The following GNG4 variants were observed in gnomAD, a reference collection of about 807,000 sequenced individuals.
GNG4 encodes guanine nucleotide-binding protein G(I)/G(S)/G(O) subunit gamma-4.
A neutral mutation model predicts 5.8 loss-of-function variants in GNG4; 4 were observed. That is an observed-to-expected ratio of 0.69 (90% CI 0.34 to 1.57). GNG4 has a LOEUF of 1.57. Among genes scored for constraint, GNG4 ranks in the 40% most tolerant of loss-of-function variants. GNG4 has a pLI of 0.06. For synonymous variants in GNG4, 29 were observed against 32.9 expected (o/e 0.88, Z 0.41); for missense variants, 96 against 95.1 (o/e 1.01, Z -0.04).
intron 3 of GNG4, chr1:235,566,667 G>A (rs1687206166): frequency 1.3e-5 from 2 of 152,610 alleles, no homozygotes; most frequent in Admixed American, 1.3e-4. Context: ...CTAAAAGATA[G>A]GAGAGACTGA....
At chr1:235,592,220 C>T (rs894877661) in intron 2 of GNG4, among the ~76,000 whole-genome samples, 5 of 152,106 alleles carry the variant, frequency 3.3e-5, no homozygotes, top group African/African-American at 1.2e-4. Flanking sequence ...TAAATTTCTT[C>T]CTGGGCCGGG....
intron 1 of GNG4, among the ~76,000 whole-genome samples, chr1:235,629,451 C>T (rs968536280): frequency 2.7e-4 from 41 of 152,078 alleles, no homozygotes; most frequent in Admixed American, 2.6e-3. Flanking sequence ...CTCTTCCACT[C>T]GCATGCTTTT....
intron 1 of GNG4, among the ~76,000 whole-genome samples, chr1:235,607,119 T>C (rs189359875): frequency 1.2e-4 from 18 of 151,866 alleles, no homozygotes; most frequent in African/African-American, 3.9e-4. Context: ...TTTTTTATTT[T>C]TATTTTTAGT....
chr1:235,602,451 TCTTA>T (rs1688276653), intron 1 of GNG4, among the ~76,000 whole-genome samples: 2 of 152,174 alleles, frequency 1.3e-5, no homozygotes, highest in Admixed American at 1.3e-4. Flanking sequence ...TAGCCTGGCT[TCTTA>T]CTTCTGGGCT....
intron 1 of GNG4, among the ~76,000 whole-genome samples, chr1:235,606,492 G>C (rs1008598878): frequency 6.6e-6 from 1 of 152,198 alleles, no homozygotes; most frequent in African/African-American, 2.4e-5. Flanking sequence ...AGAGCCAGGG[G>C]ATGTGGTTAG....
intron 3 of GNG4, among the ~76,000 whole-genome samples, chr1:235,581,699 C>T (rs951480069): frequency 1.3e-5 from 2 of 152,018 alleles, no homozygotes; most frequent in Non-Finnish European, 2.9e-5. Flanking sequence ...CCTGTGGAAC[C>T]ACAGGCCAAT....
intron 1 of GNG4, among the ~76,000 whole-genome samples, chr1:235,597,708 C>G (rs1414277390): frequency 6.7e-6 from 1 of 149,958 alleles, no homozygotes; most frequent in Non-Finnish European, 1.5e-5. Context: ...TCACTGCAAA[C>G]TCTACCTCCC....
chr1:235,562,749 C>G lies in GNG4; in HGVS notation c.100-10512G>C, dbSNP rs550833171. Among the ~76,000 whole-genome samples the G allele has an allele frequency of 1.3e-4, 19 of 149,650 alleles. No individual in the cohort carries two copies. The South Asian group carries it at 4.0e-3, about 32-fold the overall frequency. On this transcript the variant is annotated intron_variant, in intron 3 of 3. Coordinates refer to ENST00000391854, the MANE Select transcript of GNG4 (RefSeq NM_001098722.2). ...AATCTACAGATCAAGTTGGGAAAAA[C>G]TGCTATTTTAACTATATTGAGTCTT...
intron 3 of GNG4, among the ~76,000 whole-genome samples, chr1:235,556,426 C>T (rs1418886031): frequency 6.6e-6 from 1 of 151,726 alleles, no homozygotes; most frequent in African/African-American, 2.4e-5. Context: ...GGCGTGGTGG[C>T]CCATGCCTGT....
At chr1:235,574,234 G>A (rs985936365) in intron 3 of GNG4, among the ~76,000 whole-genome samples, 11 of 152,126 alleles carry the variant, frequency 7.2e-5, no homozygotes, top group African/African-American at 2.7e-4. Context: ...GTCCAGGCAT[G>A]GTGGCACAGG....
At chr1:235,611,231 C>T (rs1214678743) in intron 1 of GNG4, among the ~76,000 whole-genome samples, 1 of 151,164 alleles carries the variant, frequency 6.6e-6, no homozygotes, top group African/African-American at 2.4e-5. Context: ...GAAGTGGTAC[C>T]ATCATGGCTC....
chr1:235,583,650 T>A, intron 3 of GNG4, 90 bp downstream of exon 3: 1 of 791,468 alleles, frequency 1.3e-6, no homozygotes, highest in Middle Eastern at 3.6e-4. Flanking sequence ...CTGGGTGACG[T>A]GTTAACTCTC....
At chr1:235,598,873 A>G (rs1236110665) in intron 1 of GNG4, among the ~76,000 whole-genome samples, 3 of 151,846 alleles carry the variant, frequency 2.0e-5, no homozygotes, top group Non-Finnish European at 4.4e-5. Context: ...TTACAGGTGC[A>G]TGCCACCATG....
intron 3 of GNG4, among the ~76,000 whole-genome samples, chr1:235,580,756 T>TTG (rs1687613574): frequency 6.8e-6 from 1 of 148,054 alleles, no homozygotes; most frequent in Non-Finnish European, 1.5e-5. Context: ...GTTTTTTTTT[T>TTG]TTTTTTTTTC....
chr1:235,552,038 C>A lies in GNG4; in HGVS notation c.*71G>T, dbSNP rs1686763134. On this transcript the variant is annotated 3_prime_UTR_variant, in exon 4 of 4. Transcript: ENST00000391854. ...TGGGTGTTGGTCTCACTCCCTAAGG[C>A]TTAGAGCATGCATGGTCTCTACAGG... is the stretch of plus-strand genomic sequence containing the variant. 3 of 1,433,450 alleles carry A rather than the reference C, an allele frequency of 2.1e-6. No individual in the cohort carries two copies. Among genetic ancestry groups the A allele is most frequent in the African/African-American group, 2.8e-5 (2 of 71,486 alleles). 88.8% of individuals were successfully genotyped at this position (1,433,450 alleles called of 1,614,324 possible). A position where few individuals can be genotyped will look rare whatever the true frequency, so the allele number is the denominator to read the frequency against.
At chr1:235,626,396 C>T (rs1688809877) in intron 1 of GNG4, among the ~76,000 whole-genome samples, 1 of 151,398 alleles carries the variant, frequency 6.6e-6, no homozygotes, top group South Asian at 2.1e-4. Flanking sequence ...CTTTCCCAAG[C>T]TTTTCAAAGC....
chr1:235,635,834 A>C (rs944433990), intron 1 of GNG4, among the ~76,000 whole-genome samples: 8 of 152,216 alleles, frequency 5.3e-5, no homozygotes, highest in African/African-American at 1.9e-4. Flanking sequence ...TTGCAAATTA[A>C]TCAGCAGGAT....
chr1:235,610,418 G>A (rs1261435297), intron 1 of GNG4, among the ~76,000 whole-genome samples: 4 of 152,082 alleles, frequency 2.6e-5, no homozygotes, highest in Admixed American at 6.6e-5. Context: ...TTTTATTTTT[G>A]TAATGAATAA....
At chr1:235,601,934 G>T (rs973650257) in intron 1 of GNG4, among the ~76,000 whole-genome samples, 2 of 152,116 alleles carry the variant, frequency 1.3e-5, no homozygotes, top group Admixed American at 6.5e-5. Flanking sequence ...CCCTGGGAAC[G>T]TGTCAGAAAT....
Sources: allele counts gnomAD v4.1 joint callset (sites outside exome capture counted in the v4.1 genomes callset), GRCh38; gene constraint gnomAD v4.1.1; transcripts MANE v1.5; gene names NCBI Gene and HGNC (gene_info 2026-07-23, HGNC 2026-07-21).